The following CNTN5 variants were observed in gnomAD, a reference collection of about 807,000 sequenced individuals.
CNTN5 encodes the protein contactin 5.
In CNTN5, 77 loss-of-function variants were observed where a neutral mutation model predicts 129.1. The observed-to-expected ratio is 0.60, with a 90% CI of 0.50 to 0.72. CNTN5 has a LOEUF of 0.72. Among genes scored for constraint, CNTN5 ranks in the 30% least tolerant of loss-of-function variants. CNTN5 has a pLI of 0.00. For synonymous variants in CNTN5, 509 were observed against 465.6 expected (o/e 1.09, Z -1.20); for missense variants, 1,478 against 1,328.8 (o/e 1.11, Z -1.75).
In CNTN5 at chr11:99,834,918, A is replaced by G. The variant is rs78767228; in HGVS notation, c.278-9934A>G. Among the ~76,000 whole-genome samples, 304 of 152,308 alleles carry G rather than the reference A, an allele frequency of 2.0e-3. 3 individuals carry two copies. The highest frequency in any genetic ancestry group is 6.8e-3 in the African/African-American group (281 of 41,572). On this transcript the variant is annotated intron_variant, in intron 4 of 24. Transcript: ENST00000524871. ...CAAGACCATCTTGCCCTAGCCATTT[A>G]TTTGATACCTTGTTTTCCTAATGTA...
At chr11:99,025,516 G>A (rs11218093) in intron 1 of CNTN5, among the ~76,000 whole-genome samples, 23,818 of 151,538 alleles carry the variant, frequency 0.16, 1,970 homozygotes, top group East Asian at 0.33. Flanking sequence ...AGTAGTAAAC[G>A]TAGCATATGT....
Position 99,132,442 on chromosome 11 carries a change from T to C in CNTN5, c.-210+111172T>C, listed in dbSNP as rs529083239. 9.2e-5 allele frequency among the ~76,000 whole-genome samples: 14 copies of C among 152,216 alleles called. No individual in the cohort carries two copies. The East Asian group carries it at 2.7e-3, about 29-fold the overall frequency. On this transcript the variant is annotated intron_variant, in intron 1 of 24. Coordinates refer to ENST00000524871, the MANE Select transcript of CNTN5 (RefSeq NM_014361.4). The stretch of plus-strand genomic sequence containing the variant: ...GAGAAAGAAATAAAGGATATTTAAA[T>C]AGGAAGAGAGGAAGTTAAATTGTCT...
intron 18 of CNTN5, among the ~76,000 whole-genome samples, chr11:100,288,303 A>T (rs1405749315): frequency 1.2e-5 from 1 of 85,198 alleles, no homozygotes; most frequent in Non-Finnish European, 2.2e-5. Context: ...AACAGAATAT[A>T]CATTTTTTTT....
intron 2 of CNTN5, among the ~76,000 whole-genome samples, chr11:99,347,892 A>T (rs1219106603): frequency 6.6e-6 from 1 of 152,196 alleles, no homozygotes; most frequent in Admixed American, 6.5e-5. Flanking sequence ...TTTGTATATT[A>T]CTTTAAAAAT....
intron 2 of CNTN5, among the ~76,000 whole-genome samples, chr11:99,378,005 C>T (rs781731529): frequency 6.6e-6 from 1 of 151,976 alleles, no homozygotes; most frequent in Non-Finnish European, 1.5e-5. Flanking sequence ...ATAGTGAGTT[C>T]CTAGATGGTT....
chr11:99,586,806 C>T (rs574304272), intron 3 of CNTN5, among the ~76,000 whole-genome samples: 23 of 152,222 alleles, frequency 1.5e-4, no homozygotes, highest in Middle Eastern at 3.4e-3. Flanking sequence ...AAGGGCCACT[C>T]ATCTAATAAA....
intron 13 of CNTN5, among the ~76,000 whole-genome samples, chr11:100,125,755 A>G (rs1330808257): frequency 6.6e-6 from 1 of 152,062 alleles, no homozygotes; most frequent in Admixed American, 6.6e-5. Context: ...CAAATAACCA[A>G]CTTTTGGTTT....
chr11:99,539,006 C>T (rs2135489441), intron 2 of CNTN5, among the ~76,000 whole-genome samples: 1 of 152,126 alleles, frequency 6.6e-6, no homozygotes, highest in African/African-American at 2.4e-5. Flanking sequence ...TAGGGTATCA[C>T]AATGCCATTT....
In CNTN5 at chr11:99,948,504, C is replaced by T. The variant is rs540028829; in HGVS notation, c.674-8302C>T. On this transcript the variant is annotated intron_variant, in intron 7 of 24. Coordinates refer to ENST00000524871, the MANE Select transcript of CNTN5 (RefSeq NM_014361.4). ...ATCTAGACACCGCTCTAATTAGTCA[C>T]TATTTCAAACATCTAACTTTTATTT... Among the ~76,000 whole-genome samples, 11 of 152,282 alleles carry T rather than the reference C, an allele frequency of 7.2e-5. No homozygotes were observed. In the East Asian group the frequency reaches 2.1e-3, roughly 29 times the overall value.
intron 12 of CNTN5, among the ~76,000 whole-genome samples, chr11:100,073,677 G>T (rs1301944167): frequency 6.6e-6 from 1 of 151,672 alleles, no homozygotes; most frequent in Admixed American, 6.6e-5. Context: ...TTTAAACAAT[G>T]TATTATATAA....
In CNTN5 at chr11:99,676,936, G is replaced by A. The variant is rs141559655; in HGVS notation, c.55+120667G>A. Among the ~76,000 whole-genome samples the A allele has an allele frequency of 2.5e-3, 385 of 152,206 alleles. 2 individuals carry two copies. Among genetic ancestry groups the A allele is most frequent in the African/African-American group, 8.5e-3 (355 of 41,538 alleles). On this transcript the variant is annotated intron_variant, in intron 3 of 24. Coordinates refer to ENST00000524871, the MANE Select transcript of CNTN5 (RefSeq NM_014361.4). ...TAAAGCTTTCCCCTAACATGCAAGG[G>A]TGTTGCTAGGTTATTAAAATATGTA...
chr11:100,268,806 G>A (rs887171397), intron 17 of CNTN5, among the ~76,000 whole-genome samples: 2 of 152,158 alleles, frequency 1.3e-5, no homozygotes, highest in Admixed American at 1.3e-4. Context: ...AGTGAGACAG[G>A]GGAGAAAGAA....
chr11:100,165,684 G>A (rs953945589), intron 13 of CNTN5, among the ~76,000 whole-genome samples: 8 of 151,598 alleles, frequency 5.3e-5, no homozygotes, highest in Non-Finnish European at 7.4e-5. Context: ...TACTGAGAGC[G>A]GGAGAGTGAA....
intron 17 of CNTN5, among the ~76,000 whole-genome samples, chr11:100,268,292 A>G (rs1238156209): frequency 6.6e-6 from 1 of 152,186 alleles, no homozygotes; most frequent in Non-Finnish European, 1.5e-5. Flanking sequence ...TTATTGGCAT[A>G]TAAATAATTT....
chr11:99,522,730 A>G (rs1297128647), intron 2 of CNTN5, among the ~76,000 whole-genome samples: 1 of 152,194 alleles, frequency 6.6e-6, no homozygotes, highest in Non-Finnish European at 1.5e-5. Flanking sequence ...TTTAAGTTGT[A>G]CATTCCAGCT....
At chr11:100,147,828 C>T (rs979190721) in intron 13 of CNTN5, among the ~76,000 whole-genome samples, 2 of 152,006 alleles carry the variant, frequency 1.3e-5, no homozygotes, top group Non-Finnish European at 2.9e-5. Flanking sequence ...ATACAGGAAG[C>T]CTTGCCAGGA....
At chr11:99,129,083 G>A (rs2135428050) in intron 1 of CNTN5, among the ~76,000 whole-genome samples, 1 of 152,290 alleles carries the variant, frequency 6.6e-6, no homozygotes, top group East Asian at 1.9e-4. Context: ...CAAGGCCACA[G>A]AACGGGGATG....
chr11:100,215,508 G>A (rs1019920918), intron 15 of CNTN5, among the ~76,000 whole-genome samples: 27 of 152,314 alleles, frequency 1.8e-4, no homozygotes, highest in African/African-American at 6.3e-4. Flanking sequence ...AACTAATGCA[G>A]TGTAAAACAG....
intron 10 of CNTN5, among the ~76,000 whole-genome samples, chr11:100,069,847 T>C (rs1005081667): frequency 2.6e-5 from 4 of 152,164 alleles, no homozygotes; most frequent in Non-Finnish European, 5.9e-5. Context: ...TAAGATTTCA[T>C]ATAATTACAA....
Sources: gnomAD v4.1 joint callset for allele counts (sites outside exome capture counted in the v4.1 genomes callset) on GRCh38, gnomAD v4.1.1 for gene constraint, MANE v1.5 for transcripts, NCBI Gene and HGNC (gene_info 2026-07-23, HGNC 2026-07-21) for gene names.